The following OTOF variants were observed in gnomAD, a reference collection of about 807,000 sequenced individuals.
The protein encoded by OTOF is fer-1-like family member 2.
Under a neutral mutation model 236.8 loss-of-function variants are expected in OTOF, and 218 were observed. The ratio of observed to expected loss-of-function variants is 0.92; its 90% CI spans 0.82 to 1.03. OTOF has a LOEUF of 1.03. Among genes scored for constraint, OTOF ranks in the 50% least tolerant of loss-of-function variants. The pLI, the probability that OTOF is intolerant of heterozygous loss-of-function variation, is 0.00. For missense variants in OTOF, 2,590 were observed against 2,694.4 expected, an observed-to-expected ratio of 0.96 and a Z score of 0.86; for synonymous variants, 1,041 against 1,072.5, an observed-to-expected ratio of 0.97 and a Z score of 0.57.
At chr2:26,459,414 T>C (rs907833380) in intron 46 of OTOF, among the ~76,000 whole-genome samples, 8 of 151,636 alleles carry the variant, frequency 5.3e-5, no homozygotes, top group Non-Finnish European at 1.2e-4. Context: ...TATCCAGGCG[T>C]GGTGGCGGGT....
chr2:26,539,344 G>A (rs532986551), intron 1 of OTOF, among the ~76,000 whole-genome samples: 3 of 152,124 alleles, frequency 2.0e-5, no homozygotes, highest in African/African-American at 7.2e-5. Context: ...AAAAAAGGCA[G>A]CATGTATATT....
rs767607675 is a variant in OTOF at position 26,480,948 on chromosome 2, C to G, written c.1641G>C (p.Thr547=). The G allele has an allele frequency of 6.2e-7, 1 of 1,613,030 alleles. No homozygotes were observed. Among genetic ancestry groups the G allele is most frequent in the Non-Finnish European group, 8.5e-7 (1 of 1,180,020 alleles). ...VNMYGSTRNY[T]LLDEHQDLNE... ...TCAGGTCCTGATGCTCATCCAGCAG[C>G]GTGTAGTTACGTGTGGAGCCGTACA... Residue 547 remains threonine (T), a synonymous_variant, in exon 15 of 47, where the codon ACG becomes ACC. Coordinates refer to ENST00000272371, the MANE Select transcript of OTOF (RefSeq NM_194248.3).
intron 1 of OTOF, among the ~76,000 whole-genome samples, chr2:26,545,445 T>C (rs146821492): frequency 8.5e-5 from 13 of 152,352 alleles, no homozygotes; most frequent in Admixed American, 8.5e-4. Flanking sequence ...TCTTCCTGTG[T>C]GTGACTTGCC....
Position 26,482,434 on chromosome 2 carries a change from C to T in OTOF, c.1551G>A (p.Leu517=), listed in dbSNP as rs780419826. The T allele has an allele frequency of 6.2e-7, 1 of 1,613,352 alleles. No individual in the cohort carries two copies. Among genetic ancestry groups the T allele is most frequent in the Non-Finnish European group, 8.5e-7 (1 of 1,180,016 alleles). ...TGTCTCCGTCATTAGAAATCTTGCGCAGGTCAATGAAGTGGGTGCCGATGG... is the reference window on the plus strand; with the variant it reads ...TGTCTCCGTCATTAGAAATCTTGCGTAGGTCAATGAAGTGGGTGCCGATGG... The part of the protein sequence containing the change: ...DVAIGTHFID[L]RKISNDGDKG... The change falls in exon 14 of 47, where the codon CTG becomes CTA. Residue 517 remains leucine (L), a synonymous_variant. Transcript: ENST00000272371.
chr2:26,500,764 T>G (rs914227619), intron 8 of OTOF, among the ~76,000 whole-genome samples: 1 of 152,154 alleles, frequency 6.6e-6, no homozygotes, highest in African/African-American at 2.4e-5. Context: ...CATAGAAAAG[T>G]GCCATCTTAT....
chr2:26,501,334 T>C (rs551049495), intron 8 of OTOF, among the ~76,000 whole-genome samples: 2 of 152,330 alleles, frequency 1.3e-5, no homozygotes, highest in South Asian at 4.1e-4. Context: ...ATAAACAGAA[T>C]CGTCATTACT....
chr2:26,472,089 T>C (rs558341721), intron 30 of OTOF, among the ~76,000 whole-genome samples: 48 of 147,490 alleles, frequency 3.3e-4, no homozygotes, highest in African/African-American at 1.2e-3. Flanking sequence ...CATATGAACA[T>C]ACACCACACA....
chr2:26,489,107 C>T (rs187791564), intron 11 of OTOF, 104 bp downstream of exon 11: 9 of 836,116 alleles, frequency 1.1e-5, no homozygotes, highest in East Asian at 2.6e-5. Flanking sequence ...GACTGTGGTC[C>T]TTGCCAGCCT....
intron 14 of OTOF, 63 bp from the exon 15 acceptor site, chr2:26,481,072 G>C: frequency 3.1e-6 from 4 of 1,270,946 alleles, no homozygotes; most frequent in Non-Finnish European, 4.5e-6. Flanking sequence ...GGGAAGAGGG[G>C]CCTCTTTTGG....
intron 1 of OTOF, among the ~76,000 whole-genome samples, chr2:26,550,781 C>A (rs2148135351): frequency 6.6e-6 from 1 of 152,268 alleles, no homozygotes; most frequent in South Asian, 2.1e-4. Context: ...GTGTCCCTGC[C>A]CGCAGTCCTC....
intron 2 of OTOF, among the ~76,000 whole-genome samples, chr2:26,536,458 G>T (rs566460667): frequency 1.3e-5 from 2 of 152,290 alleles, no homozygotes; most frequent in East Asian, 1.9e-4. Context: ...CCCTGAAGTG[G>T]TTGGGGAGGG....
chr2:26,553,611 G>A (rs1271751414), intron 1 of OTOF, among the ~76,000 whole-genome samples: 6 of 152,140 alleles, frequency 3.9e-5, no homozygotes, highest in Non-Finnish European at 7.4e-5. Context: ...TCGGAAAGAG[G>A]CATGAGCCAC....
chr2:26,518,137 T>C (rs1336570986), intron 4 of OTOF, among the ~76,000 whole-genome samples: 1 of 152,184 alleles, frequency 6.6e-6, no homozygotes, highest in African/African-American at 2.4e-5. Flanking sequence ...GGCCACTACA[T>C]AGGGCCATAT....
At chr2:26,529,553 G>A (rs1160371990) in intron 2 of OTOF, among the ~76,000 whole-genome samples, 2 of 151,526 alleles carry the variant, frequency 1.3e-5, no homozygotes, top group African/African-American at 2.4e-5. Flanking sequence ...GCAGGCCCTC[G>A]GGAGGAGGCT....
intron 3 of OTOF, among the ~76,000 whole-genome samples, chr2:26,526,743 T>C (rs1436838898): frequency 1.3e-5 from 2 of 152,206 alleles, no homozygotes; most frequent in African/African-American, 4.8e-5. Context: ...TACTTTTCTT[T>C]TGTTTGTAGT....
At chr2:26,499,627 C>T (rs1449304261) in intron 8 of OTOF, among the ~76,000 whole-genome samples, 1 of 152,170 alleles carries the variant, frequency 6.6e-6, no homozygotes, top group East Asian at 1.9e-4. Context: ...CCTGCCTCAG[C>T]CTCCCAAGTA....
rs369289633 is a variant in OTOF, at chr2:26,507,055, A to G, written c.510-3210T>C. 4.6e-5 allele frequency among the ~76,000 whole-genome samples: 7 copies of G among 152,382 alleles called. No homozygotes were observed. In the East Asian group the frequency reaches 7.7e-4, roughly 17 times the overall value. ...TCTACTACACCTTGAAGCAATTGAAAGGAGAAATCTCTCCCTTCCAACCCT... is the reference window on the plus strand; with the variant it reads ...TCTACTACACCTTGAAGCAATTGAAGGGAGAAATCTCTCCCTTCCAACCCT... On this transcript the variant is annotated intron_variant, in intron 5 of 46. Transcript: ENST00000272371.
intron 1 of OTOF, among the ~76,000 whole-genome samples, chr2:26,542,975 C>A (rs150158137): frequency 6.6e-6 from 1 of 152,312 alleles, no homozygotes; most frequent in Non-Finnish European, 1.5e-5. Flanking sequence ...GCTGGTGACT[C>A]AGACCTGGGG....
chr2:26,479,385 C>A lies in OTOF; in HGVS notation c.2094-1G>T. 1 of 1,612,516 alleles carries A rather than the reference C, an allele frequency of 6.2e-7. No homozygotes were observed. Among genetic ancestry groups the A allele is most frequent in the African/African-American group, 1.3e-5 (1 of 75,026 alleles). ...CAGGTAGGGCAGATGGAAGTAGTTCCTGGGGTGGGCAGAGGCGGGAGGTGA... is the reference window on the plus strand; with the variant it reads ...CAGGTAGGGCAGATGGAAGTAGTTCATGGGGTGGGCAGAGGCGGGAGGTGA... On this transcript the variant is annotated splice_acceptor_variant, in intron 17 of 46. Coordinates refer to ENST00000272371, the MANE Select transcript of OTOF (RefSeq NM_194248.3). LOFTEE classifies it high-confidence loss of function.
Sources: gnomAD v4.1 joint callset for allele counts (sites outside exome capture counted in the v4.1 genomes callset) on GRCh38, gnomAD v4.1.1 for gene constraint, MANE v1.5 for transcripts, NCBI Gene and HGNC (gene_info 2026-07-23, HGNC 2026-07-21) for gene names.